Variants in THOC2 observed in about 807,000 individuals in gnomAD.
THOC2 encodes THO complex 2.
In THOC2, 10 loss-of-function variants were observed where a neutral mutation model predicts 128.4. That is an observed-to-expected ratio of 0.08 (90% CI 0.05 to 0.13). The LOEUF (loss-of-function observed/expected upper bound fraction) is 0.13, where lower values mean the gene tolerates loss of function less well. Ranked by LOEUF, THOC2 falls within the 10% of genes least tolerant of loss-of-function variation. THOC2 has a pLI of 1.00. For missense variants in THOC2, 535 were observed against 1,155.7 expected (o/e 0.46, Z 7.79); for synonymous variants, 393 against 396.9 (o/e 0.99, Z 0.12).
chrX:123,616,290 A>G (rs1240739749), intron 33 of THOC2, among the ~76,000 whole-genome samples: 2 of 110,974 alleles, frequency 1.8e-5, no homozygotes, highest in Admixed American at 9.6e-5. Context: ...GTGCCTTTCT[A>G]CTTTTACATA....
At chrX:123,643,911 G>A (rs1264842097) in intron 15 of THOC2, among the ~76,000 whole-genome samples, 2 of 111,617 alleles carry the variant, frequency 1.8e-5, no homozygotes, top group African/African-American at 3.2e-5. Flanking sequence ...CCACTGCCAT[G>A]AATTTAAAAA....
At chrX:123,649,245 C>A (rs1235193133) in intron 12 of THOC2, among the ~76,000 whole-genome samples, 1 of 112,154 alleles carries the variant, frequency 8.9e-6, no homozygotes, top group Admixed American at 9.5e-5. Flanking sequence ...AGAAGGAAAA[C>A]AAACAGAAAG....
At chrX:123,626,345 A>G (rs965556024) in intron 24 of THOC2, among the ~76,000 whole-genome samples, 176 bp downstream of exon 24, 9 of 112,464 alleles carry the variant, frequency 8.0e-5, no homozygotes, top group African/African-American at 2.9e-4. Flanking sequence ...CCAGCAAACT[A>G]TATCAGTTCC....
At chrX:123,609,751 C>T (rs1285343112) in intron 38 of THOC2, among the ~76,000 whole-genome samples, 6 of 111,745 alleles carry the variant, frequency 5.4e-5, no homozygotes, top group African/African-American at 2.0e-4. Context: ...GCAGAGTCGG[C>T]CAGGCACAGT....
intron 7 of THOC2, among the ~76,000 whole-genome samples, chrX:123,692,761 CAG>C (rs1485160819): frequency 9.0e-6 from 1 of 110,988 alleles, no homozygotes; most frequent in Non-Finnish European, 1.9e-5. Flanking sequence ...CTCGGCCACC[CAG>C]AGTGCTGGGA....
At chrX:123,703,972 T>C (rs1362740644) in intron 3 of THOC2, among the ~76,000 whole-genome samples, 1 of 107,147 alleles carries the variant, frequency 9.3e-6, no homozygotes, top group African/African-American at 3.4e-5. Context: ...CATCATTATA[T>C]TGACAAATAT....
chrX:123,620,687 A>G, intron 32 of THOC2: 2 of 322,577 alleles, frequency 6.2e-6, no homozygotes, highest in Non-Finnish European at 1.1e-5. Context: ...ACACTACAAA[A>G]TTAGTGCTAA....
At position 123,695,937 on chromosome X, in the gene THOC2, C is replaced by T. The variant is rs1402965950; in HGVS notation, c.601+84G>A. 27 of 644,819 alleles carry T rather than the reference C, an allele frequency of 4.2e-5. No homozygotes were observed. The South Asian group carries it at 7.8e-4, about 19-fold the overall frequency. 53.1% of individuals were successfully genotyped at this position (644,819 alleles called of 1,213,427 possible). A position where few individuals can be genotyped will look rare whatever the true frequency, so the allele number is the denominator to read the frequency against. Reference sequence around the variant, plus strand: ...TGAAAAAAAAAATAGATGGAATGCACTCATTTTGTCTTTATGGATATTCTC... The same window carrying T: ...TGAAAAAAAAAATAGATGGAATGCATTCATTTTGTCTTTATGGATATTCTC... On this transcript the variant is annotated intron_variant, in intron 7 of 38. Transcript: ENST00000245838.
intron 1 of THOC2, among the ~76,000 whole-genome samples, chrX:123,724,939 A>G (rs1488871269): frequency 1.8e-5 from 2 of 109,918 alleles, no homozygotes; most frequent in Non-Finnish European, 3.8e-5. Context: ...TTAGCAGAGC[A>G]TGGTAGCACG....
intron 1 of THOC2, among the ~76,000 whole-genome samples, chrX:123,723,997 A>G (rs1440359345): frequency 9.0e-6 from 1 of 111,432 alleles, no homozygotes; most frequent in East Asian, 2.8e-4. Context: ...ACTTCTCTGT[A>G]TTTTCATTAC....
chrX:123,615,808 T>C (rs1239383186), intron 33 of THOC2, among the ~76,000 whole-genome samples: 1 of 111,125 alleles, frequency 9.0e-6, no homozygotes, highest in Non-Finnish European at 1.9e-5. Context: ...AAAAGTCACA[T>C]AGCTCAACTG....
Position 123,630,201 on chromosome X carries a change from A to G in THOC2, c.2481+1487T>C, listed in dbSNP as rs779579844. Reference sequence around the variant, plus strand: ...CACTTCAAGTTCACACCTTCAGTCAAATGAAGAGACATAACAGTTCTACAT... The same window carrying G: ...CACTTCAAGTTCACACCTTCAGTCAGATGAAGAGACATAACAGTTCTACAT... On this transcript the variant is annotated intron_variant, in intron 22 of 38. Transcript: ENST00000245838. Among the ~76,000 whole-genome samples the G allele has an allele frequency of 7.3e-4, 82 of 112,213 alleles. 1 individual carries two copies. The highest frequency in any genetic ancestry group is 5.4e-4 in the Non-Finnish European group (29 of 53,279).
At chrX:123,697,428 G>GA (rs1342740798) in intron 5 of THOC2, among the ~76,000 whole-genome samples, 3 of 111,923 alleles carry the variant, frequency 2.7e-5, no homozygotes, top group Non-Finnish European at 5.6e-5. Flanking sequence ...TTTTTCTTAG[G>GA]AACTTACTAG....
intron 8 of THOC2, among the ~76,000 whole-genome samples, chrX:123,675,761 T>C (rs2049464778): frequency 8.9e-6 from 1 of 112,433 alleles, no homozygotes; most frequent in Non-Finnish European, 1.9e-5. Flanking sequence ...TGTGGATTTA[T>C]TGTTGTGTGT....
At chrX:123,645,017 C>T in intron 13 of THOC2, 108 bp from the exon 14 acceptor site, 1 of 641,747 alleles carries the variant, frequency 1.6e-6, no homozygotes, top group South Asian at 3.6e-5. Flanking sequence ...TAACATAACA[C>T]ACAATATCCC....
intron 4 of THOC2, among the ~76,000 whole-genome samples, chrX:123,700,321 C>T (rs751499501): frequency 1.8e-4 from 20 of 108,120 alleles, no homozygotes; most frequent in African/African-American, 6.4e-4. Flanking sequence ...GCCAACAGGG[C>T]GAAACCCTAT....
intron 25 of THOC2, among the ~76,000 whole-genome samples, chrX:123,625,401 TTA>T (rs771974251): frequency 8.9e-6 from 1 of 112,085 alleles, no homozygotes; most frequent in Non-Finnish European, 1.9e-5. Context: ...CCCGGCCACA[TTA>T]TGTTTTTAAA....
chrX:123,732,936 C>G lies in THOC2; in HGVS notation c.71+16G>C, dbSNP rs1333909473. ...CCCGGCCCGGCAGTGCGCCTGCCTC[C>G]GGCCCGAACACTCACAATTCGCCTC... On this transcript the variant is annotated intron_variant, in intron 1 of 38. Coordinates refer to ENST00000245838, the MANE Select transcript of THOC2 (RefSeq NM_001081550.2). The G allele has an allele frequency of 8.3e-7, 1 of 1,208,899 alleles. No individual in the cohort carries two copies. The highest frequency in any genetic ancestry group is 2.2e-5 in the Admixed American group (1 of 46,085).
At chrX:123,614,252 GT>G in intron 33 of THOC2, 63 bp from the exon 34 acceptor site, 1 of 953,787 alleles carries the variant, frequency 1.0e-6, no homozygotes, top group Non-Finnish European at 1.4e-6. Flanking sequence ...TCACTTGTTT[GT>G]TTACTAAATG....
Sources: allele counts gnomAD v4.1 joint callset (sites outside exome capture counted in the v4.1 genomes callset), GRCh38; gene constraint gnomAD v4.1.1; transcripts MANE v1.5; gene names NCBI Gene and HGNC (gene_info 2026-07-23, HGNC 2026-07-21).